The following GAS2 variants were observed in gnomAD, a reference collection of about 807,000 sequenced individuals.
The protein encoded by GAS2 is growth arrest specific 2, also known as growth arrest-specific protein 2.
In GAS2, 20 loss-of-function variants were observed where a neutral mutation model predicts 37.5. That is an observed-to-expected ratio of 0.53 (90% confidence interval 0.37 to 0.77). GAS2 has a LOEUF of 0.77. GAS2 is among the 30% of genes least tolerant of loss of function. GAS2 has a pLI of 0.00. For synonymous variants in GAS2, 144 were observed against 132.2 expected (o/e 1.09, Z -0.61); for missense variants, 336 against 373.4 (o/e 0.90, Z 0.82).
intron 2 of GAS2, 109 bp downstream of exon 2, chr11:22,675,123 CT>C: frequency 9.1e-7 from 1 of 1,103,826 alleles, no homozygotes. Context: ...GAAAGAAAGA[CT>C]TTTATTATTT....
At chr11:22,806,336 CCCATTCAT>C (rs1195399450) in intron 7 of GAS2, among the ~76,000 whole-genome samples, 2 of 152,104 alleles carry the variant, frequency 1.3e-5, no homozygotes, top group African/African-American at 4.8e-5. Context: ...ATTTTCTCTG[CCCATTCAT>C]CCATTAACGG....
chr11:22,719,101 A>G (rs1238397625), intron 3 of GAS2, among the ~76,000 whole-genome samples: 1 of 152,160 alleles, frequency 6.6e-6, no homozygotes, highest in African/African-American at 2.4e-5. Flanking sequence ...ATGTTTTCAT[A>G]TATGCATACG....
intron 4 of GAS2, among the ~76,000 whole-genome samples, chr11:22,727,280 C>T (rs1173665077): frequency 6.6e-6 from 1 of 151,996 alleles, no homozygotes; most frequent in Non-Finnish European, 1.5e-5. Flanking sequence ...AAAAACTTCG[C>T]TTTCTTTTTG....
At chr11:22,690,530 A>C (rs1215731207) in intron 3 of GAS2, among the ~76,000 whole-genome samples, 1 of 152,176 alleles carries the variant, frequency 6.6e-6, no homozygotes, top group East Asian at 1.9e-4. Flanking sequence ...ATTTGAGACC[A>C]GTGTGCAGCC....
At chr11:22,764,309 C>G (rs1412954574) in intron 7 of GAS2, among the ~76,000 whole-genome samples, 1 of 152,036 alleles carries the variant, frequency 6.6e-6, no homozygotes, top group Admixed American at 6.6e-5. Context: ...GCCTGTAATC[C>G]CAGCACTTTG....
At chr11:22,664,430 G>C (rs2133848855), upstream of GAS2, among the ~76,000 whole-genome samples, 1 of 152,248 alleles carries the variant, frequency 6.6e-6, no homozygotes, top group East Asian at 1.9e-4. Flanking sequence ...TTTAGAATGT[G>C]GGACACACAT....
intron 1 of GAS2, among the ~76,000 whole-genome samples, chr11:22,638,881 C>G (rs187877324): frequency 6.6e-6 from 1 of 151,994 alleles, no homozygotes; most frequent in African/African-American, 2.4e-5. Flanking sequence ...ATCCAGAAAT[C>G]TACTTTTTGG....
chr11:22,756,540 T>C (rs897521151), intron 7 of GAS2, among the ~76,000 whole-genome samples: 1 of 152,054 alleles, frequency 6.6e-6, no homozygotes, highest in Non-Finnish European at 1.5e-5. Context: ...CTCACAATAC[T>C]CAAATCTGCA....
chr11:22,684,874 T>G (rs1849864386), intron 2 of GAS2, among the ~76,000 whole-genome samples: 1 of 152,218 alleles, frequency 6.6e-6, no homozygotes, highest in African/African-American at 2.4e-5. Context: ...CCCGCCTACC[T>G]GTATTATTTT....
intron 2 of GAS2, among the ~76,000 whole-genome samples, chr11:22,684,153 A>G (rs1258523161): frequency 2.0e-5 from 3 of 152,196 alleles, no homozygotes; most frequent in Admixed American, 2.0e-4. Flanking sequence ...CTATAGATAG[A>G]TCACGGAGTA....
chr11:22,787,922 C>A (rs1490012459), intron 7 of GAS2, among the ~76,000 whole-genome samples: 8 of 152,130 alleles, frequency 5.3e-5, no homozygotes, highest in Admixed American at 3.3e-4. Flanking sequence ...GTTCGCATTT[C>A]TTTTTAAAGT....
intron 7 of GAS2, among the ~76,000 whole-genome samples, chr11:22,780,997 G>A (rs1367774750): frequency 6.6e-6 from 1 of 152,122 alleles, no homozygotes; most frequent in Non-Finnish European, 1.5e-5. Context: ...ACAAAGCAAA[G>A]CATTCTGAAT....
At chr11:22,632,756 C>CTT (rs146753942) in intron 1 of GAS2, among the ~76,000 whole-genome samples, 28 of 146,320 alleles carry the variant, frequency 1.9e-4, no homozygotes, top group African/African-American at 6.7e-4. Flanking sequence ...TCTTTTCATT[C>CTT]TTTTTTTTTT....
intron 7 of GAS2, among the ~76,000 whole-genome samples, chr11:22,763,965 A>T (rs1247197278): frequency 6.6e-6 from 1 of 152,168 alleles, no homozygotes; most frequent in Non-Finnish European, 1.5e-5. Flanking sequence ...TGCTTCACTA[A>T]AGACACTCTC....
chr11:22,716,523 G>T (rs4262726), intron 3 of GAS2, among the ~76,000 whole-genome samples: 1 of 151,594 alleles, frequency 6.6e-6, no homozygotes, highest in Non-Finnish European at 1.5e-5. Flanking sequence ...ACCTATAATC[G>T]CACCTACAAG....
intron 7 of GAS2, among the ~76,000 whole-genome samples, chr11:22,784,586 T>C (rs916430406): frequency 1.3e-5 from 2 of 152,148 alleles, no homozygotes; most frequent in African/African-American, 4.8e-5. Flanking sequence ...TTGCTCACAA[T>C]GTAAATGGTA....
chr11:22,721,389 T>G (rs1851940524), intron 3 of GAS2, among the ~76,000 whole-genome samples: 1 of 152,070 alleles, frequency 6.6e-6, no homozygotes, highest in African/African-American at 2.4e-5. Flanking sequence ...TAGGACATAC[T>G]GCAGCATATA....
intron 4 of GAS2, among the ~76,000 whole-genome samples, chr11:22,728,955 C>T (rs1425933533): frequency 6.7e-6 from 1 of 150,174 alleles, no homozygotes; most frequent in Non-Finnish European, 1.5e-5. Context: ...GCAGAATTGA[C>T]TTTCTTGCAA....
intron 4 of GAS2, chr11:22,731,365 C>A (rs1852467073): frequency 4.5e-6 from 2 of 448,354 alleles, no homozygotes; most frequent in Non-Finnish European, 9.0e-6. Context: ...TCATCTATTT[C>A]TCTGAGAAAG....
Sources: gnomAD v4.1 joint callset for allele counts (sites outside exome capture counted in the v4.1 genomes callset) on GRCh38, gnomAD v4.1.1 for gene constraint, MANE v1.5 for transcripts, NCBI Gene and HGNC (gene_info 2026-07-23, HGNC 2026-07-21) for gene names.